PIEZO2: variants seen among roughly 807,000 people sequenced by gnomAD.
The protein encoded by PIEZO2 is piezo-type mechanosensitive ion channel component 2.
PIEZO2 carries 172 observed loss-of-function variants against 337.3 expected under a neutral mutation model. The ratio of observed to expected loss-of-function variants is 0.51; its 90% CI spans 0.45 to 0.58. PIEZO2 has a LOEUF of 0.58. PIEZO2 is among the 20% of genes least tolerant of loss of function. The probability of loss-of-function intolerance (pLI) is 0.00; values close to 1 mark genes in which losing one functional copy is unlikely to be tolerated. For synonymous variants in PIEZO2, 1,251 were observed against 1,228.5 expected (o/e 1.02, Z -0.38); for missense variants, 3,028 against 3,391.3 (o/e 0.89, Z 2.66).
chr18:10,696,953 G>A (rs1334151392), intron 45 of PIEZO2, among the ~76,000 whole-genome samples: 1 of 152,176 alleles, frequency 6.6e-6, no homozygotes, highest in Non-Finnish European at 1.5e-5. Context: ...GATGCCTAGG[G>A]CCAAGGTGGG....
At chr18:10,925,575 G>C (rs2031677830) in intron 3 of PIEZO2, among the ~76,000 whole-genome samples, 1 of 152,020 alleles carries the variant, frequency 6.6e-6, no homozygotes, top group African/African-American at 2.4e-5. Flanking sequence ...TATACAAAAA[G>C]TGAAAAAAAA....
rs577024484 is a variant in PIEZO2 at position 10,795,052 on chromosome 18, T to A, written c.1528-50A>T. On this transcript the variant is annotated intron_variant, in intron 12 of 55. Transcript: ENST00000674853. This position sits in a 1 kb window ranked among gnomAD's most constrained non-coding sequence, Gnocchi z 4.4. ...CGACCATGGTCAATACAATGCTCAG[T>A]CCCCCCCGCCCTGGTAAGGTAAAAA... 9.2e-6 allele frequency: 13 copies of A among 1,414,232 alleles called. No homozygotes were observed. In the Admixed American group the frequency reaches 1.8e-4, roughly 20 times the overall value. The allele number at this position is 1,414,232 out of a possible 1,614,324, so 87.6% of individuals were successfully genotyped here.
chr18:10,895,258 C>T lies in PIEZO2; in HGVS notation c.329+15928G>A, dbSNP rs1455596769. ...GTCAGGAGATCGAGACCAGCCTGGC[C>T]AACATGGTGAAACCCCATTTCTACT... On this transcript the variant is annotated intron_variant, in intron 4 of 55. Coordinates refer to ENST00000674853, the MANE Select transcript of PIEZO2 (RefSeq NM_001378183.1). This position sits in a 1 kb window ranked among gnomAD's most constrained non-coding sequence, Gnocchi z 4.8. Among the ~76,000 whole-genome samples the T allele has an allele frequency of 6.6e-6, 1 of 152,042 alleles. No individual in the cohort carries two copies. The highest frequency in any genetic ancestry group is 1.5e-5 in the Non-Finnish European group (1 of 68,014).
At chr18:10,703,010 C>T (rs532325875) in intron 42 of PIEZO2, among the ~76,000 whole-genome samples, 39 of 152,248 alleles carry the variant, frequency 2.6e-4, no homozygotes, top group African/African-American at 9.1e-4. Flanking sequence ...AGCCACCATG[C>T]CTGGCTAATG....
At chr18:10,709,497 G>T (rs1259384169) in intron 39 of PIEZO2, 2 of 152,320 alleles carry the variant, frequency 1.3e-5, no homozygotes, top group Admixed American at 1.3e-4. Context: ...TAGAGATATA[G>T]GTTGCCTGAT....
intron 11 of PIEZO2, 74 bp downstream of exon 11, chr18:10,800,263 C>T (rs2039762716): frequency 6.8e-7 from 1 of 1,467,690 alleles, no homozygotes. Context: ...AAATAAGCAA[C>T]AACAACAAAA....
In PIEZO2 at chr18:10,742,574, C is replaced by T. The variant is rs895172186; in HGVS notation, c.4556G>A (p.Gly1519Asp). The change falls in exon 32 of 56, where the codon GGT becomes GAT. Residue 1519 changes from glycine to aspartate, a missense_variant. Coordinates refer to ENST00000674853, the MANE Select transcript of PIEZO2 (RefSeq NM_001378183.1). The part of the protein sequence containing the change: ...IKARQQKYKK[G>D]KERMLSLTQE... ...GGTCAAGCTCAGCATCCTCTCCTTA[C>T]CCTTTTTATATTTCTGTTGCCTGGC... 2.0e-6 allele frequency: 3 copies of T among 1,537,088 alleles called. No individual in the cohort carries two copies. The highest frequency in any genetic ancestry group is 3.9e-5 in the Admixed American group (2 of 50,986).
Position 10,762,973 on chromosome 18 carries a change from C to A in PIEZO2, c.3072G>T (p.Leu1024Phe). The A allele has an allele frequency of 2.0e-6, 3 of 1,537,284 alleles. No individual in the cohort carries two copies. The highest frequency in any genetic ancestry group is 2.4e-5 in the South Asian group (2 of 84,062). ...WTCVIIVCKM[L>F]YQLQTIKPEN... ...CAGGCTTAATGGTTTGGAGCTGGTA[C>A]AACATTTTGCAGACGATGATCACAC... The change falls in exon 22 of 56, where the codon TTG becomes TTT. Residue 1024 changes from leucine to phenylalanine, a missense_variant. Leu to Phe is a conservative substitution (Grantham distance 22). Around this residue, in one of 5 missense-constraint regions of PIEZO2, gnomAD observed 1,925 missense variants for 2,051.9 expected, o/e 0.94. Coordinates refer to ENST00000674853, the MANE Select transcript of PIEZO2 (RefSeq NM_001378183.1).
chr18:10,938,201 G>T (rs1013900333), intron 3 of PIEZO2, among the ~76,000 whole-genome samples: 10 of 152,204 alleles, frequency 6.6e-5, no homozygotes, highest in Non-Finnish European at 1.2e-4. Context: ...AACTAACCGG[G>T]ACTGAGGCCA....
chr18:10,901,915 CAAA>C (rs1031085814), intron 4 of PIEZO2, among the ~76,000 whole-genome samples: 1 of 128,628 alleles, frequency 7.8e-6, no homozygotes. Context: ...ATATGCAAAA[CAAA>C]AAAAAAAAAA....
intron 11 of PIEZO2, among the ~76,000 whole-genome samples, chr18:10,799,328 G>C (rs2039721003): frequency 6.6e-6 from 1 of 152,198 alleles, no homozygotes; most frequent in Admixed American, 6.5e-5. Context: ...TTGGTGACAG[G>C]CAATTGGTCC....
chr18:10,780,206 C>G (rs2038930695), intron 18 of PIEZO2, 119 bp downstream of exon 18: 1 of 664,090 alleles, frequency 1.5e-6, no homozygotes, highest in African/African-American at 1.8e-5. Context: ...CATGAGCATA[C>G]CTGAAGACCA....
Position 10,850,785 on chromosome 18 carries a change from TA to T in PIEZO2, c.917+4567del, listed in dbSNP as rs1219753691. 1.3e-5 allele frequency among the ~76,000 whole-genome samples: 2 copies of T among 152,200 alleles called. No homozygotes were observed. The highest frequency in any genetic ancestry group is 2.9e-5 in the Non-Finnish European group (2 of 68,028). On this transcript the variant is annotated intron_variant, in intron 7 of 55. Coordinates refer to ENST00000674853, the MANE Select transcript of PIEZO2 (RefSeq NM_001378183.1). This position sits in a 1 kb window ranked among gnomAD's most constrained non-coding sequence, Gnocchi z 4.5. ...AGAAAGATTCTGAAAAAAATTTGGC[TA>T]AAAAGCAATAGTATTTATTTCTGGG... is the stretch of plus-strand genomic sequence containing the variant.
chr18:10,710,498 GTTA>G (rs948201543), intron 39 of PIEZO2, among the ~76,000 whole-genome samples: 1 of 152,166 alleles, frequency 6.6e-6, no homozygotes, highest in African/African-American at 2.4e-5. Flanking sequence ...TGTTTTCTGT[GTTA>G]TCTGATTATA....
intron 3 of PIEZO2, among the ~76,000 whole-genome samples, chr18:10,925,602 C>T (rs984732758): frequency 1.7e-4 from 26 of 152,032 alleles, no homozygotes; most frequent in Admixed American, 1.4e-3. Flanking sequence ...TTTTCTGAGA[C>T]GTAGTCTCCC....
chr18:10,998,086 C>T (rs188356735), intron 2 of PIEZO2, among the ~76,000 whole-genome samples: 2 of 151,992 alleles, frequency 1.3e-5, no homozygotes, highest in African/African-American at 4.8e-5. Flanking sequence ...ACTATGAAGA[C>T]TAGCATACAG....
chr18:10,773,304 TGTCATGGACTGG>T lies in PIEZO2; in HGVS notation c.2785+96_2785+107del. On this transcript the variant is annotated intron_variant, in intron 20 of 55. Coordinates refer to ENST00000674853, the MANE Select transcript of PIEZO2 (RefSeq NM_001378183.1). The surrounding 1 kb of genome is among the most constrained non-coding windows in gnomAD (Gnocchi z 5.3). ...CAAACAAAAACCACTCCAATTTTTA[TGTCATGGACTGG>T]GTCAAATATATATTCTTTTGGAGCA... 9.0e-7 allele frequency: 1 copy of T among 1,116,104 alleles called. No homozygotes were observed. 69.1% of individuals were successfully genotyped at this position (1,116,104 alleles called of 1,614,324 possible). A position where few individuals can be genotyped will look rare whatever the true frequency, so the allele number is the denominator to read the frequency against.
chr18:10,726,240 A>T lies in PIEZO2; in HGVS notation c.5029+5167T>A. ...GCTTCACGCTGCCTGGGGCTGGAAG[A>T]GCTTGTGTGCGAGCCTGTGTTCGGG... On this transcript the variant is annotated intron_variant, in intron 36 of 55. Transcript: ENST00000674853. The surrounding 1 kb of genome is among the most constrained non-coding windows in gnomAD (Gnocchi z 5.9). 2 of 735,544 alleles carry T rather than the reference A, an allele frequency of 2.7e-6. No homozygotes were observed. The highest frequency in any genetic ancestry group is 3.0e-5 in the South Asian group (2 of 66,210). The allele number at this position is 735,544 out of a possible 1,614,324, so 45.6% of individuals were successfully genotyped here. A position where few individuals can be genotyped will look rare whatever the true frequency, so the allele number is the denominator to read the frequency against.
At chr18:10,723,445 A>G (rs1180676690) in intron 36 of PIEZO2, among the ~76,000 whole-genome samples, 1 of 152,172 alleles carries the variant, frequency 6.6e-6, no homozygotes, top group Non-Finnish European at 1.5e-5. Context: ...GACTCGAGGT[A>G]TGTGCTGCAA....
Sources: gnomAD v4.1 joint callset for allele counts (sites outside exome capture counted in the v4.1 genomes callset) on GRCh38, gnomAD v4.1.1 for gene constraint, gnomAD v4.1.1 regional missense constraint, Gnocchi (gnomAD v3.1) non-coding constraint, MANE v1.5 for transcripts, NCBI Gene and HGNC (gene_info 2026-07-23, HGNC 2026-07-21) for gene names.